Variants in HOMER2 observed in about 807,000 individuals in gnomAD.
HOMER2 encodes the protein homer protein homolog 2.
A neutral mutation model predicts 47.0 loss-of-function variants in HOMER2; 27 were observed. The observed-to-expected ratio is 0.57, with a 90% CI of 0.42 to 0.79. HOMER2 has a LOEUF of 0.79. Among genes scored for constraint, HOMER2 ranks in the 30% least tolerant of loss-of-function variants. The pLI, the probability that HOMER2 is intolerant of heterozygous loss-of-function variation, is 0.00. For missense variants in HOMER2, 443 were observed against 435.0 expected (o/e 1.02, Z -0.16); for synonymous variants, 161 against 163.8 (o/e 0.98, Z 0.13).
chr15:82,953,913 A>G (rs554744179), upstream of HOMER2, among the ~76,000 whole-genome samples: 16 of 152,020 alleles, frequency 1.1e-4, 1 homozygote, highest in South Asian at 2.9e-3. Context: ...AATTAAATAC[A>G]TAAATAGCCG....
At chr15:82,946,260 A>G (rs1304470223) in intron 1 of HOMER2, among the ~76,000 whole-genome samples, 1 of 152,210 alleles carries the variant, frequency 6.6e-6, no homozygotes, top group Non-Finnish European at 1.5e-5. Context: ...CGAGCAGCAA[A>G]CATGCCTTTA....
intron 3 of HOMER2, among the ~76,000 whole-genome samples, chr15:82,865,645 T>C (rs1241657009): frequency 1.3e-5 from 2 of 152,238 alleles, no homozygotes; most frequent in African/African-American, 4.8e-5. Flanking sequence ...GGTTTGGCTG[T>C]GTCCCCGAGC....
intron 2 of HOMER2, among the ~76,000 whole-genome samples, chr15:82,875,728 C>A (rs973500825): frequency 2.0e-5 from 3 of 152,234 alleles, no homozygotes; most frequent in Non-Finnish European, 1.5e-5. Flanking sequence ...AAAGCTGCCA[C>A]GCATCAGAGT....
intron 1 of HOMER2, among the ~76,000 whole-genome samples, chr15:82,914,702 G>A (rs1189589983): frequency 1.3e-5 from 2 of 152,170 alleles, no homozygotes; most frequent in African/African-American, 4.8e-5. Flanking sequence ...AATGATTTAG[G>A]TGGTACATTT....
intron 3 of HOMER2, among the ~76,000 whole-genome samples, chr15:82,865,286 G>A (rs964296771): frequency 2.0e-5 from 3 of 152,168 alleles, no homozygotes; most frequent in African/African-American, 7.2e-5. Context: ...GATGCACAAA[G>A]CCTCCCTCAC....
At position 82,852,157 on chromosome 15, in the gene HOMER2, G is replaced by A. The variant is rs1453559201; in HGVS notation, c.747C>T (p.Leu249=). 8 of 1,613,496 alleles carry A rather than the reference G, an allele frequency of 5.0e-6. No individual in the cohort carries two copies. Among genetic ancestry groups the A allele is most frequent in the Non-Finnish European group, 5.9e-6 (7 of 1,179,468 alleles). The change falls in exon 7 of 9, where the codon CTC becomes CTT. Residue 249 remains leucine (L), a synonymous_variant. Transcript: ENST00000450735. ...CATTACTCACTGTCTCCTTTTCTCG[G>A]AGCTCTGCCTCCAGCTCCTCGATCC... ...KRRIEELEAE[L]REKETELKDL...
intron 1 of HOMER2, among the ~76,000 whole-genome samples, chr15:82,897,608 T>C (rs1212995874): frequency 6.6e-6 from 1 of 152,182 alleles, no homozygotes; most frequent in Non-Finnish European, 1.5e-5. Context: ...TTAAGTCACA[T>C]AGGATTATGA....
At chr15:82,905,848 A>G (rs991080983) in intron 1 of HOMER2, among the ~76,000 whole-genome samples, 5 of 152,352 alleles carry the variant, frequency 3.3e-5, no homozygotes, top group African/African-American at 1.2e-4. Context: ...GAGATAGGAC[A>G]GAAACTTGAA....
At chr15:82,855,180 C>CA (rs1318082704) in intron 5 of HOMER2, among the ~76,000 whole-genome samples, 8 of 151,436 alleles carry the variant, frequency 5.3e-5, no homozygotes, top group African/African-American at 1.9e-4. Flanking sequence ...ACTAAAAATA[C>CA]AAAAAAATGG....
In HOMER2 at chr15:82,924,677, G is replaced by T. The variant is rs1390551134; in HGVS notation, c.5+27854C>A. 2.0e-5 allele frequency among the ~76,000 whole-genome samples: 3 copies of T among 152,340 alleles called. No homozygotes were observed. The East Asian group carries it at 5.8e-4, about 29-fold the overall frequency. On this transcript the variant is annotated intron_variant, in intron 1 of 8. Transcript: ENST00000450735. Reference sequence around the variant, plus strand: ...GCAATCTCAGCAGAACCTTGGAAAAGGTACTTCCTGGAGGTTCTAGTGCTT... The same window carrying T: ...GCAATCTCAGCAGAACCTTGGAAAATGTACTTCCTGGAGGTTCTAGTGCTT...
At chr15:82,924,430 T>A (rs114711185) in intron 1 of HOMER2, among the ~76,000 whole-genome samples, 120 of 150,156 alleles carry the variant, frequency 8.0e-4, no homozygotes, top group African/African-American at 2.8e-3. Context: ...CAGGGACATG[T>A]CACTTGTCTT....
chr15:82,854,873 G>A, intron 5 of HOMER2, 73 bp from the exon 6 acceptor site: 2 of 1,540,552 alleles, frequency 1.3e-6, no homozygotes, highest in Admixed American at 1.7e-5. Context: ...TGGGGAAGGG[G>A]ACTCCGCCAT....
intron 2 of HOMER2, among the ~76,000 whole-genome samples, chr15:82,877,757 A>C (rs576592566): frequency 6.6e-6 from 1 of 152,278 alleles, no homozygotes; most frequent in South Asian, 2.1e-4. Flanking sequence ...CATTTTACCA[A>C]ATGTTTTCCA....
intron 1 of HOMER2, among the ~76,000 whole-genome samples, chr15:82,962,084 G>A (rs1234616465): frequency 6.6e-6 from 1 of 150,872 alleles, no homozygotes; most frequent in Non-Finnish European, 1.5e-5. Context: ...TTTAAAAAAT[G>A]TCCAGGCCGG....
chr15:82,972,236 T>C (rs1246701754), intron 1 of HOMER2, among the ~76,000 whole-genome samples: 2 of 152,218 alleles, frequency 1.3e-5, no homozygotes, highest in Non-Finnish European at 2.9e-5. Flanking sequence ...AAATCTGCTT[T>C]ATGTCTCTAT....
chr15:82,877,093 A>T (rs1376187577), intron 2 of HOMER2, among the ~76,000 whole-genome samples: 5 of 152,218 alleles, frequency 3.3e-5, no homozygotes, highest in Non-Finnish European at 7.3e-5. Flanking sequence ...GTTCACTTAA[A>T]CCTTACAACG....
intron 1 of HOMER2, among the ~76,000 whole-genome samples, chr15:82,943,220 C>G (rs2054302061): frequency 6.6e-6 from 1 of 152,198 alleles, no homozygotes; most frequent in Admixed American, 6.5e-5. Flanking sequence ...TAGATGAGGA[C>G]AGTAAAGCTT....
intron 4 of HOMER2, among the ~76,000 whole-genome samples, chr15:82,859,454 A>G (rs2066555979): frequency 6.6e-6 from 1 of 152,188 alleles, no homozygotes; most frequent in African/African-American, 2.4e-5. Flanking sequence ...CAGTGCTCAG[A>G]GCCTTTTTAC....
intron 4 of HOMER2, among the ~76,000 whole-genome samples, chr15:82,860,982 AAAGC>A (rs1277703988): frequency 6.1e-5 from 9 of 148,024 alleles, no homozygotes; most frequent in South Asian, 2.1e-4. Flanking sequence ...AGAGAGAGAG[AAAGC>A]GAAAGAGAAA....
Sources: gnomAD v4.1 joint callset for allele counts (sites outside exome capture counted in the v4.1 genomes callset) on GRCh38, gnomAD v4.1.1 for gene constraint, MANE v1.5 for transcripts, NCBI Gene and HGNC (gene_info 2026-07-23, HGNC 2026-07-21) for gene names.